Variants in NDUFS1 observed in about 807,000 individuals in gnomAD.
NDUFS1 encodes the protein NADH:ubiquinone oxidoreductase core subunit S1.
NDUFS1 carries 61 observed loss-of-function variants against 84.4 expected under a neutral mutation model. The ratio of observed to expected loss-of-function variants is 0.72; its 90% CI spans 0.59 to 0.89. The LOEUF (loss-of-function observed/expected upper bound fraction) is 0.89. Among genes scored for constraint, NDUFS1 ranks in the 40% least tolerant of loss-of-function variants. NDUFS1 has a pLI of 0.00. For synonymous variants in NDUFS1, 275 were observed against 290.0 expected (o/e 0.95, Z 0.53); for missense variants, 891 against 890.0 (o/e 1.00, Z -0.01).
chr2:206,126,599 G>A lies in NDUFS1; in HGVS notation c.2032C>T (p.Gln678Ter). 6.2e-7 allele frequency: 1 copy of A among 1,614,144 alleles called. No homozygotes were observed. The highest frequency in any genetic ancestry group is 8.5e-7 in the Non-Finnish European group (1 of 1,180,004). The part of the protein sequence containing the change: ...ANELSKLVNQ[Q>*]LLADPLVPPQ... ...GGAACAAGTGGGTCAGCAAGAAGCT[G>A]CTGGTTCACTAGCTGCACAAAAAAG... is the stretch of plus-strand genomic sequence containing the variant. Residue 678 changes from glutamine (Q) to a stop codon, truncating the protein, a stop_gained, in exon 18 of 19, where the codon CAG becomes TAG. Coordinates refer to ENST00000233190, the MANE Select transcript of NDUFS1 (RefSeq NM_005006.7). LOFTEE classifies it high-confidence loss of function.
chr2:206,127,371 C>G (rs1012572382), intron 16 of NDUFS1, among the ~76,000 whole-genome samples: 1 of 152,168 alleles, frequency 6.6e-6, no homozygotes, highest in Admixed American at 6.6e-5. Context: ...CCCATCTCTA[C>G]TAAAAATATA....
At position 206,132,989 on chromosome 2, in the gene NDUFS1, A is replaced by G. The variant is rs372041587; in HGVS notation, c.1509T>C (p.Thr503=). 3.3e-5 allele frequency: 53 copies of G among 1,613,882 alleles called. No individual in the cohort carries two copies. Among genetic ancestry groups the G allele is most frequent in the Non-Finnish European group, 4.1e-5 (48 of 1,179,954 alleles). ...CTTTCCAATCACCAGTAACACCACT[A>G]GTCATCCGAATCTTTTGTGCAATGC... is the stretch of plus-strand genomic sequence containing the variant. ...VSSIAQKIRM[T]SGVTGDWKVM... Residue 503 remains threonine (T), a synonymous_variant, in exon 14 of 19, where the codon ACT becomes ACC. Coordinates refer to ENST00000233190, the MANE Select transcript of NDUFS1 (RefSeq NM_005006.7).
chr2:206,133,298 C>T (rs1258666645), intron 13 of NDUFS1, among the ~76,000 whole-genome samples, 193 bp from the exon 14 acceptor site: 2 of 152,178 alleles, frequency 1.3e-5, no homozygotes, highest in East Asian at 1.9e-4. Context: ...GCCAATGCTA[C>T]TGTGAAATAT....
In NDUFS1 at chr2:206,145,053, T is replaced by A. The variant is rs758677146; in HGVS notation, c.738-27A>T. 1.0e-5 allele frequency: 16 copies of A among 1,570,588 alleles called. No homozygotes were observed. The South Asian group carries it at 1.8e-4, about 18-fold the overall frequency. On this transcript the variant is annotated intron_variant, in intron 8 of 18. Coordinates refer to ENST00000233190, the MANE Select transcript of NDUFS1 (RefSeq NM_005006.7). Reference sequence around the variant, plus strand: ...TGAGAAACACATACGGTGTTTACTATGGTGCTTTTGGGAATAAAGAAAGTT... The same window carrying A: ...TGAGAAACACATACGGTGTTTACTAAGGTGCTTTTGGGAATAAAGAAAGTT...
rs1690943793 is a variant in NDUFS1 at position 206,116,428 on chromosome 2, G to A, written c.*7757C>T. The A allele has an allele frequency of 1.2e-6, 1 of 820,712 alleles. No individual in the cohort carries two copies. Among genetic ancestry groups the A allele is most frequent in the South Asian group, 1.4e-5 (1 of 70,364 alleles). 50.8% of individuals were successfully genotyped at this position (820,712 alleles called of 1,614,324 possible). On this transcript the variant is annotated 3_prime_UTR_variant, in exon 19 of 19. Coordinates refer to ENST00000233190, the MANE Select transcript of NDUFS1 (RefSeq NM_005006.7). ...AGCTGCCAGGGCCTCGATAGGCAGG[G>A]CGCGGCAGGTGCCAGGACCACGTGC...
At chr2:206,124,495 C>T (rs1004417057) in intron 18 of NDUFS1, among the ~76,000 whole-genome samples, 1 of 152,066 alleles carries the variant, frequency 6.6e-6, no homozygotes, top group Non-Finnish European at 1.5e-5. Flanking sequence ...TATAGAGCAG[C>T]TAGACAGTGC....
rs1463348607 is a variant in NDUFS1, at chr2:206,130,167, C to T, written c.1629G>A (p.Lys543=). The change falls in exon 15 of 19, where the codon AAG becomes AAA. Residue 543 remains lysine, a synonymous_variant. Coordinates refer to ENST00000233190, the MANE Select transcript of NDUFS1 (RefSeq NM_005006.7). ...GVEAIRKNPP[K]VLFLLGADGG... ...CATCTGCTCCCAGGAGAAACAGCAC[C>T]TTGGGAGGGTTCTTCCGAATTGCTT... 6.2e-7 allele frequency: 1 copy of T among 1,614,170 alleles called. No individual in the cohort carries two copies. The highest frequency in any genetic ancestry group is 8.5e-7 in the Non-Finnish European group (1 of 1,180,036).
intron 11 of NDUFS1, 151 bp downstream of exon 11, chr2:206,142,535 C>T (rs1692002744): frequency 2.1e-6 from 2 of 945,902 alleles, no homozygotes; most frequent in Non-Finnish European, 3.1e-6. Context: ...TAAGTGGATT[C>T]CTCTATTTCC....
chr2:206,143,994 A>G (rs1692062442), intron 10 of NDUFS1, 24 bp downstream of exon 10: 1 of 1,537,802 alleles, frequency 6.5e-7, no homozygotes, highest in Non-Finnish European at 9.0e-7. Flanking sequence ...AACACTATTT[A>G]ACACTATTTA....
intron 1 of NDUFS1, among the ~76,000 whole-genome samples, chr2:206,154,952 G>A (rs1243307637): frequency 8.1e-6 from 1 of 122,916 alleles, no homozygotes; most frequent in South Asian, 2.7e-4. Flanking sequence ...TTGAGATAGA[G>A]TCTTACTCTG....
intron 18 of NDUFS1, among the ~76,000 whole-genome samples, chr2:206,124,766 G>C (rs1190495229): frequency 6.6e-6 from 1 of 150,506 alleles, no homozygotes; most frequent in Non-Finnish European, 1.5e-5. Context: ...GTGAACCTAG[G>C]AGGCGGAGCT....
At chr2:206,148,741 G>A in intron 5 of NDUFS1, among the ~76,000 whole-genome samples, 1 of 152,168 alleles carries the variant, frequency 6.6e-6, no homozygotes, top group East Asian at 1.9e-4. Context: ...TCCCAGTATA[G>A]TATAGTAGTA....
Position 206,118,233 on chromosome 2 carries a change from T to C in NDUFS1, c.*5952A>G, listed in dbSNP as rs1691003544. On this transcript the variant is annotated 3_prime_UTR_variant, in exon 19 of 19. Coordinates refer to ENST00000233190, the MANE Select transcript of NDUFS1 (RefSeq NM_005006.7). The stretch of plus-strand genomic sequence containing the variant: ...TTAAAATCTGTGATCTGAAATCTAG[T>C]CAGTTTTCTCATTAACATCCTTGTC... The C allele has an allele frequency of 1.3e-5, 2 of 152,258 alleles. No homozygotes were observed. The highest frequency in any genetic ancestry group is 1.3e-4 in the Admixed American group (2 of 15,280). The allele number at this position is 152,258 out of a possible 1,614,324, so 9.4% of individuals were successfully genotyped here. A position where few individuals can be genotyped will look rare whatever the true frequency, so the allele number is the denominator to read the frequency against.
At chr2:206,155,216 T>A (rs960010126) in intron 1 of NDUFS1, among the ~76,000 whole-genome samples, 1 of 152,076 alleles carries the variant, frequency 6.6e-6, no homozygotes, top group Admixed American at 6.6e-5. Flanking sequence ...CCTCCCAGGT[T>A]CAAGCGATTC....
In NDUFS1 at chr2:206,147,518, GA is replaced by G. The variant is rs748642956; in HGVS notation, c.551+12del. 3 of 1,610,694 alleles carry G rather than the reference GA, an allele frequency of 1.9e-6. No homozygotes were observed. The highest frequency in any genetic ancestry group is 2.5e-6 in the Non-Finnish European group (3 of 1,178,532). ...TTATATTCTATAATAGAAAAAAAAG[GA>G]AAAAAAGTTACCTGATGCAGCGAGT... On this transcript the variant is annotated intron_variant, in intron 7 of 18. Transcript: ENST00000233190.
rs367723817 is a variant in NDUFS1 at position 206,140,943 on chromosome 2, T to TATATATATATATACACACACACACACAC, written c.1262+997_1262+998insGTGTGTGTGTGTGTGTATATATATATAT. On this transcript the variant is annotated intron_variant, in intron 12 of 18. Transcript: ENST00000233190. ...GTGTGTATATATATATATATATATA[T>TATATATATATATACACACACACACACAC]ACACACACACTGAGAATCATAATAC... Among the ~76,000 whole-genome samples the TATATATATATATACACACACACACACAC allele has an allele frequency of 1.1e-3, 148 of 136,086 alleles. 2 individuals carry two copies. The highest frequency in any genetic ancestry group is 4.0e-3 in the African/African-American group (142 of 35,946). 89.3% of individuals were successfully genotyped at this position (136,086 alleles called of 152,430 possible). A position where few individuals can be genotyped will look rare whatever the true frequency, so the allele number is the denominator to read the frequency against.
intron 14 of NDUFS1, among the ~76,000 whole-genome samples, chr2:206,131,296 A>G (rs879264822): frequency 5.3e-5 from 8 of 152,224 alleles, no homozygotes; most frequent in Admixed American, 3.3e-4. Flanking sequence ...GTTAAAAACT[A>G]CCATCAACAT....
Position 206,142,808 on chromosome 2 carries a change from A to C in NDUFS1, c.1011T>G (p.Asp337Glu). The C allele has an allele frequency of 6.2e-7, 1 of 1,614,216 alleles. No individual in the cohort carries two copies. The highest frequency in any genetic ancestry group is 1.1e-5 in the South Asian group (1 of 91,078). The change falls in exon 11 of 19, where the codon GAT becomes GAG. Residue 337 changes from aspartate to glutamate, a missense_variant. By Grantham distance (45) the Asp-to-Glu change is conservative. Coordinates refer to ENST00000233190, the MANE Select transcript of NDUFS1 (RefSeq NM_005006.7). ...CCAAGCCACCTGCAATTGCTGCCAC[A>C]TCTTTGCCTTGAAAACTCTGCAACT... ...AGMLQSFQGKDVAAIAGGLVD... is the reference protein window; with the variant it reads ...AGMLQSFQGKEVAAIAGGLVD...
intron 12 of NDUFS1, among the ~76,000 whole-genome samples, chr2:206,141,409 G>A (rs1691943049): frequency 6.6e-6 from 1 of 151,898 alleles, no homozygotes; most frequent in Non-Finnish European, 1.5e-5. Context: ...GCGGGCGCCT[G>A]TAGTCCCAGC....
Sources: gnomAD v4.1 joint callset for allele counts (sites outside exome capture counted in the v4.1 genomes callset) on GRCh38, gnomAD v4.1.1 for gene constraint, MANE v1.5 for transcripts, NCBI Gene and HGNC (gene_info 2026-07-23, HGNC 2026-07-21) for gene names.